The following NEO1 variants were observed in gnomAD, a reference collection of about 807,000 sequenced individuals.
NEO1 encodes the protein neogenin 1, also known as neogenin.
In NEO1, 63 loss-of-function variants were observed where a neutral mutation model predicts 159.7. The ratio of observed to expected loss-of-function variants is 0.39; its 90% CI spans 0.32 to 0.49. NEO1 has a LOEUF of 0.49. NEO1 is among the 20% of genes least tolerant of loss of function. The probability of loss-of-function intolerance (pLI) is 0.85; values close to 1 mark genes in which losing one functional copy is unlikely to be tolerated. For synonymous variants in NEO1, 633 were observed against 662.0 expected (o/e 0.96, Z 0.67); for missense variants, 1,615 against 1,831.0 (o/e 0.88, Z 2.15).
At chr15:73,167,189 G>A (rs1387685682) in intron 5 of NEO1, among the ~76,000 whole-genome samples, 3 of 151,146 alleles carry the variant, frequency 2.0e-5, no homozygotes, top group Admixed American at 6.6e-5. Flanking sequence ...ACGAGTTAAT[G>A]GGTGCAGCAC....
chr15:73,056,174 CTCA>C (rs1375936846), intron 1 of NEO1, among the ~76,000 whole-genome samples: 1 of 152,240 alleles, frequency 6.6e-6, no homozygotes, highest in Non-Finnish European at 1.5e-5. Flanking sequence ...CCAATAAAGC[CTCA>C]TCTCTTGTCA....
chr15:73,230,433 T>G lies in NEO1; in HGVS notation c.1292-5914T>G, dbSNP rs2150818626. ...ATTCTTGATTTGAGTAACTTGTGTC[T>G]TCTCTTAGTTTCCTAGTCTTCTACC... On this transcript the variant is annotated intron_variant, in intron 7 of 28. Transcript: ENST00000261908. Among the ~76,000 whole-genome samples, 3 of 152,296 alleles carry G rather than the reference T, an allele frequency of 2.0e-5. No individual in the cohort carries two copies. In the South Asian group the frequency reaches 6.2e-4, roughly 32 times the overall value.
At chr15:73,158,666 A>C (rs1425426988) in intron 5 of NEO1, among the ~76,000 whole-genome samples, 2 of 152,308 alleles carry the variant, frequency 1.3e-5, no homozygotes, top group East Asian at 3.9e-4. Context: ...CTGGGATTAC[A>C]GTCATGAGCC....
chr15:73,236,181 C>T, intron 7 of NEO1, 166 bp from the exon 8 acceptor site: 1 of 842,724 alleles, frequency 1.2e-6, no homozygotes, highest in Non-Finnish European at 1.8e-6. Context: ...TTTTATTTCC[C>T]ATCGTGGTTT....
chr15:73,270,024 GATTT>G lies in NEO1; in HGVS notation c.2514_2517del (p.Phe839LeufsTer15). ...TTTCTGCTCAGACACTTCTGAAGTT[GATTT>G]ATTTGTTATTAATGCTCCATACACT... On this transcript the variant is annotated frameshift_variant, in exon 17 of 29. Coordinates refer to ENST00000261908, the MANE Select transcript of NEO1 (RefSeq NM_002499.4). LOFTEE classifies it high-confidence loss of function. 6.2e-7 allele frequency: 1 copy of G among 1,613,740 alleles called. No homozygotes were observed. Among genetic ancestry groups the G allele is most frequent in the Non-Finnish European group, 8.5e-7 (1 of 1,179,804 alleles).
chr15:73,092,842 A>G (rs6495051), intron 1 of NEO1, among the ~76,000 whole-genome samples: 107,768 of 152,074 alleles, frequency 0.71, 39,198 homozygotes, highest in African/African-American at 0.88. Context: ...TATTAAAATG[A>G]TACATTTGTT....
chr15:73,297,199 G>A (rs1387912475), intron 26 of NEO1, among the ~76,000 whole-genome samples: 2 of 152,162 alleles, frequency 1.3e-5, no homozygotes, highest in East Asian at 1.9e-4. Flanking sequence ...GTCTGGGTGT[G>A]GAAAGGTGTG....
intron 8 of NEO1, among the ~76,000 whole-genome samples, chr15:73,239,616 A>C (rs2039388650): frequency 6.6e-6 from 1 of 152,164 alleles, no homozygotes; most frequent in South Asian, 2.1e-4. Flanking sequence ...CGCATTGCCT[A>C]CAGCGTTCAG....
chr15:73,204,045 TTGTC>T (rs2037067636), intron 7 of NEO1, among the ~76,000 whole-genome samples: 1 of 152,042 alleles, frequency 6.6e-6, no homozygotes. Context: ...TTATTTTTGT[TTGTC>T]TGAGAAAGTT....
At chr15:73,184,311 A>G (rs915650697) in intron 7 of NEO1, among the ~76,000 whole-genome samples, 2 of 152,120 alleles carry the variant, frequency 1.3e-5, no homozygotes, top group African/African-American at 2.4e-5. Context: ...GCGTGCCACC[A>G]TGCCTGGCTA....
intron 26 of NEO1, 87 bp downstream of exon 26, chr15:73,293,635 A>G (rs899189865): frequency 7.3e-7 from 1 of 1,369,006 alleles, no homozygotes; most frequent in Non-Finnish European, 9.9e-7. Context: ...TACTTAGAAG[A>G]GGGATTTGGA....
chr15:73,258,021 G>A (rs1400875090), intron 13 of NEO1, among the ~76,000 whole-genome samples: 1 of 152,204 alleles, frequency 6.6e-6, no homozygotes, highest in East Asian at 1.9e-4. Flanking sequence ...GACAGGATTA[G>A]CTAACCAAAC....
At chr15:73,133,800 C>G (rs576277529) in intron 4 of NEO1, among the ~76,000 whole-genome samples, 2 of 152,122 alleles carry the variant, frequency 1.3e-5, no homozygotes, top group African/African-American at 4.8e-5. Flanking sequence ...TGAATTAATT[C>G]TGCCAAGCAA....
intron 7 of NEO1, among the ~76,000 whole-genome samples, chr15:73,199,291 C>CGT (rs1567458585): frequency 6.6e-6 from 1 of 151,280 alleles, no homozygotes; most frequent in African/African-American, 2.4e-5. Context: ...ATGCTCTCAA[C>CGT]GTGACTTATC....
At chr15:73,125,812 C>T (rs184694651) in intron 3 of NEO1, among the ~76,000 whole-genome samples, 2 of 148,854 alleles carry the variant, frequency 1.3e-5, no homozygotes, top group East Asian at 3.9e-4. Context: ...GACTGACAGA[C>T]TGAGCAAGTT....
chr15:73,181,933 T>G (rs1466274583), intron 7 of NEO1, among the ~76,000 whole-genome samples: 1 of 152,088 alleles, frequency 6.6e-6, no homozygotes, highest in East Asian at 1.9e-4. Flanking sequence ...TATTAGTCCA[T>G]TTTCACACTG....
chr15:73,144,042 G>A (rs1373212600), intron 5 of NEO1, among the ~76,000 whole-genome samples: 2 of 90,860 alleles, frequency 2.2e-5, no homozygotes, highest in South Asian at 3.2e-4. Flanking sequence ...GTTAAATGTG[G>A]CACCAGAATG....
At chr15:73,088,394 G>C (rs1043354583) in intron 1 of NEO1, among the ~76,000 whole-genome samples, 4 of 151,930 alleles carry the variant, frequency 2.6e-5, no homozygotes, top group South Asian at 2.1e-4. Flanking sequence ...ATCAAGGAGA[G>C]AAATGCAGGA....
intron 21 of NEO1, among the ~76,000 whole-genome samples, chr15:73,277,479 A>G (rs775610576): frequency 6.6e-5 from 10 of 152,092 alleles, no homozygotes; most frequent in Non-Finnish European, 1.3e-4. Context: ...TTCCCTGATG[A>G]TGGATTAGGA....
Sources: allele counts gnomAD v4.1 joint callset (sites outside exome capture counted in the v4.1 genomes callset), GRCh38; gene constraint gnomAD v4.1.1; transcripts MANE v1.5; gene names NCBI Gene and HGNC (gene_info 2026-07-23, HGNC 2026-07-21).